SYT17: variants seen among roughly 807,000 people sequenced by gnomAD.
SYT17 encodes synaptotagmin-17.
SYT17 carries 22 observed loss-of-function variants against 46.7 expected under a neutral mutation model. The ratio of observed to expected loss-of-function variants is 0.47; its 90% CI spans 0.34 to 0.67. SYT17 has a LOEUF of 0.67. Ranked by LOEUF, SYT17 falls within the 30% of genes least tolerant of loss-of-function variation. The pLI is 0.01. For missense variants in SYT17, 519 were observed against 612.8 expected (o/e 0.85, Z 1.62); for synonymous variants, 251 against 248.4 (o/e 1.01, Z -0.10).
rs143391487 is a variant in SYT17, at chr16:19,240,481, G to A, written c.1228+15643G>A. 2.1e-3 allele frequency among the ~76,000 whole-genome samples: 324 copies of A among 151,972 alleles called. 9 individuals are homozygous for A. The East Asian group carries it at 0.038, about 18-fold the overall frequency. On this transcript the variant is annotated intron_variant, in intron 7 of 7. Coordinates refer to ENST00000355377, the MANE Select transcript of SYT17 (RefSeq NM_016524.4). ...CTGGACAGCCTGTAGTCTACCCATC[G>A]TCTCTCTGTTCTCTACCCTGAGTCT...
At chr16:19,172,643 T>C (rs1964142076) in intron 1 of SYT17, 117 bp from the exon 2 acceptor site, 2 of 1,549,992 alleles carry the variant, frequency 1.3e-6, no homozygotes, top group Admixed American at 2.1e-5. Context: ...GGCTTTTTTT[T>C]TTTTTTGTAA....
At chr16:19,198,113 T>C (rs1238221576) in intron 5 of SYT17, among the ~76,000 whole-genome samples, 1 of 152,014 alleles carries the variant, frequency 6.6e-6, no homozygotes, top group African/African-American at 2.4e-5. Context: ...AATTGTTAAG[T>C]TTTCAGGAAT....
intron 5 of SYT17, among the ~76,000 whole-genome samples, chr16:19,198,495 C>T (rs1285329654): frequency 6.6e-6 from 1 of 152,192 alleles, no homozygotes; most frequent in Non-Finnish European, 1.5e-5. Context: ...GAGTACTTAC[C>T]ATGGATCAAT....
intron 7 of SYT17, among the ~76,000 whole-genome samples, chr16:19,236,501 C>T (rs1008436191): frequency 1.2e-4 from 18 of 152,126 alleles, no homozygotes; most frequent in African/African-American, 4.3e-4. Flanking sequence ...CTAGGACTAC[C>T]TCCCTTCAGA....
chr16:19,259,148 C>G (rs1408545635), intron 7 of SYT17, among the ~76,000 whole-genome samples: 2 of 152,050 alleles, frequency 1.3e-5, no homozygotes, highest in African/African-American at 4.8e-5. Flanking sequence ...CAGAGGGTAG[C>G]CTTAGGGTGC....
chr16:19,178,121 T>C (rs1224121375), intron 3 of SYT17, among the ~76,000 whole-genome samples: 2 of 151,984 alleles, frequency 1.3e-5, no homozygotes, highest in Non-Finnish European at 2.9e-5. Flanking sequence ...TCTAGCTCTG[T>C]CGCCCAGGCT....
chr16:19,223,790 C>T (rs1206685063), intron 6 of SYT17, among the ~76,000 whole-genome samples: 2 of 152,114 alleles, frequency 1.3e-5, no homozygotes, highest in Non-Finnish European at 2.9e-5. Flanking sequence ...TAGAAGACAC[C>T]TTGCATTCTC....
intron 5 of SYT17, among the ~76,000 whole-genome samples, chr16:19,196,236 TA>T (rs1476283796): frequency 7.5e-6 from 1 of 133,764 alleles, no homozygotes; most frequent in African/African-American, 2.9e-5. Flanking sequence ...AGACAGTCGA[TA>T]GAAGAATTTT....
chr16:19,175,733 C>T (rs1194364531), intron 3 of SYT17, among the ~76,000 whole-genome samples: 2 of 151,266 alleles, frequency 1.3e-5, no homozygotes, highest in African/African-American at 4.9e-5. Flanking sequence ...GCTATGCTCA[C>T]AAGAATGCTA....
chr16:19,231,426 C>T (rs952923706), intron 7 of SYT17, among the ~76,000 whole-genome samples: 4 of 136,742 alleles, frequency 2.9e-5, no homozygotes, highest in Non-Finnish European at 6.1e-5. Context: ...CAAAAATTAG[C>T]TGGGCATGGT....
At chr16:19,252,404 CATATATATATACATATATATAT>C (rs1968169537) in intron 7 of SYT17, among the ~76,000 whole-genome samples, 1 of 19,946 alleles carries the variant, frequency 5.0e-5, no homozygotes, top group Non-Finnish European at 7.3e-5. Context: ...CATATATATA[CATATATATATACATATATATAT>C]ACATATATAT....
At chr16:19,172,599 C>T (rs1964139247) in intron 1 of SYT17, 161 bp from the exon 2 acceptor site, 2 of 1,528,764 alleles carry the variant, frequency 1.3e-6, no homozygotes, top group East Asian at 2.4e-5. Flanking sequence ...AGGAAGTCAG[C>T]TCCCTTCCCA....
rs1289266589 is a variant in SYT17 at position 19,210,150 on chromosome 16, TAA to T, written c.952-12893_952-12892del. Among the ~76,000 whole-genome samples the T allele has an allele frequency of 3.9e-5, 6 of 152,182 alleles. 1 individual carries two copies. The highest frequency in any genetic ancestry group is 3.9e-4 in the Admixed American group (6 of 15,280). ...TTGTTACATATGTAATATATAGTGATAAAGTCATAGTATTTAGGGCTTCTATC... is the reference window on the plus strand; with the variant it reads ...TTGTTACATATGTAATATATAGTGATAGTCATAGTATTTAGGGCTTCTATC... On this transcript the variant is annotated intron_variant, in intron 5 of 7. Transcript: ENST00000355377.
intron 7 of SYT17, among the ~76,000 whole-genome samples, chr16:19,259,259 A>AG (rs1209248319): frequency 2.6e-5 from 4 of 152,212 alleles, no homozygotes; most frequent in Non-Finnish European, 4.4e-5. Context: ...GCATTTTGTG[A>AG]GAGTAAAGTT....
At chr16:19,236,593 G>C (rs961560807) in intron 7 of SYT17, among the ~76,000 whole-genome samples, 9 of 152,144 alleles carry the variant, frequency 5.9e-5, no homozygotes, top group African/African-American at 2.2e-4. Context: ...ACTCAGGAAA[G>C]TGCTACTTAT....
At chr16:19,173,719 C>G (rs1964201726) in intron 3 of SYT17, 141 bp downstream of exon 3, 1 of 942,284 alleles carries the variant, frequency 1.1e-6, no homozygotes. Flanking sequence ...CCAGGGACAA[C>G]TTTGCTGCAG....
intron 5 of SYT17, among the ~76,000 whole-genome samples, chr16:19,215,500 C>T (rs1393493806): frequency 6.6e-6 from 1 of 152,188 alleles, no homozygotes; most frequent in Non-Finnish European, 1.5e-5. Flanking sequence ...CAGCCTCAAA[C>T]CTCTGGGCTC....
chr16:19,237,568 T>A (rs999326189), intron 7 of SYT17, among the ~76,000 whole-genome samples: 1 of 152,236 alleles, frequency 6.6e-6, no homozygotes, highest in Non-Finnish European at 1.5e-5. Flanking sequence ...AATTTCTGCA[T>A]AATCCACCCT....
chr16:19,195,136 G>A (rs1054718893), intron 5 of SYT17, among the ~76,000 whole-genome samples: 3 of 152,164 alleles, frequency 2.0e-5, no homozygotes, highest in African/African-American at 7.2e-5. Flanking sequence ...GGATAGTGAT[G>A]GTGGCAAGCT....
Sources: gnomAD v4.1 joint callset for allele counts (sites outside exome capture counted in the v4.1 genomes callset) on GRCh38, gnomAD v4.1.1 for gene constraint, MANE v1.5 for transcripts, NCBI Gene and HGNC (gene_info 2026-07-23, HGNC 2026-07-21) for gene names.